Variants in HSPB6 observed in about 807,000 individuals in gnomAD.
HSPB6 encodes heat shock protein beta-6.
In HSPB6, 8 loss-of-function variants were observed where a neutral mutation model predicts 10.7. The observed-to-expected ratio is 0.75, with a 90% CI of 0.44 to 1.35. HSPB6 has a LOEUF of 1.35. Ranked by LOEUF, HSPB6 falls within the 40% of genes most tolerant of loss-of-function variation. The pLI is 0.00. For synonymous variants in HSPB6, 128 were observed against 114.2 expected (o/e 1.12, Z -0.77); for missense variants, 232 against 236.0 (o/e 0.98, Z 0.11).
At position 35,756,915 on chromosome 19, in the gene HSPB6, G is replaced by T. The variant is rs913293563; in HGVS notation, c.94C>A (p.Arg32Ser). ...LSAPGRLFDQ[R>S]FGEGLLEAEL... ...GCCTCCAGCAGCCCCTCGCCGAAGCGCTGGTCAAAGAGGCGTCCGGGCGCC... is the reference window on the plus strand; with the variant it reads ...GCCTCCAGCAGCCCCTCGCCGAAGCTCTGGTCAAAGAGGCGTCCGGGCGCC... The change falls in exon 1 of 3, where the codon CGC (arginine) becomes AGC (serine). Residue 32 changes from arginine to serine, a missense_variant. Physicochemically the swap from Arg to Ser is moderately radical, Grantham distance 110. Coordinates refer to ENST00000004982, the MANE Select transcript of HSPB6 (RefSeq NM_144617.3). 1.9e-6 allele frequency: 3 copies of T among 1,540,950 alleles called. No homozygotes were observed. Among genetic ancestry groups the T allele is most frequent in the Non-Finnish European group, 2.6e-6 (3 of 1,146,288 alleles).
Position 35,755,477 on chromosome 19 carries a change from G to A in HSPB6, c.*45C>T, listed in dbSNP as rs1202300059. The A allele has an allele frequency of 1.3e-6, 2 of 1,513,996 alleles. No homozygotes were observed. Among genetic ancestry groups the A allele is most frequent in the Non-Finnish European group, 1.8e-6 (2 of 1,134,926 alleles). The allele number at this position is 1,513,996 out of a possible 1,614,324, so 93.8% of individuals were successfully genotyped here. Reference sequence around the variant, plus strand: ...GGAGTCAGATCGGCTTTAATAGAGGGAGCCTGAGGAGGCTCCCGGGGTGCG... The same window carrying A: ...GGAGTCAGATCGGCTTTAATAGAGGAAGCCTGAGGAGGCTCCCGGGGTGCG... On this transcript the variant is annotated 3_prime_UTR_variant, in exon 3 of 3. Coordinates refer to ENST00000004982, the MANE Select transcript of HSPB6 (RefSeq NM_144617.3).
chr19:35,754,847 G>T lies in HSPB6; in HGVS notation c.*675C>A. The T allele has an allele frequency of 2.9e-6, 1 of 348,906 alleles. No homozygotes were observed. The highest frequency in any genetic ancestry group is 5.4e-6 in the Non-Finnish European group (1 of 183,730). 21.6% of individuals were successfully genotyped at this position (348,906 alleles called of 1,614,324 possible). ...TGGGGTGGGAGAGTCTGTACAGTTT[G>T]GTGTTGGGTGTTCTAGTTGGCCTGG... On this transcript the variant is annotated 3_prime_UTR_variant, in exon 3 of 3. Coordinates refer to ENST00000004982, the MANE Select transcript of HSPB6 (RefSeq NM_144617.3).
Position 35,756,925 on chromosome 19 carries a change from G to C in HSPB6, c.84C>G (p.Leu28=), listed in dbSNP as rs1484056400. The change falls in exon 1 of 3, where the codon CTC becomes CTG. Residue 28 remains leucine (L), a synonymous_variant. Transcript: ENST00000004982. ...GCCCCTCGCCGAAGCGCTGGTCAAA[G>C]AGGCGTCCGGGCGCCGAAAGTCCGG... The part of the protein sequence containing the change: ...PLPGLSAPGR[L]FDQRFGEGLL... 25 of 1,542,094 alleles carry C rather than the reference G, an allele frequency of 1.6e-5. No individual in the cohort carries two copies. Among genetic ancestry groups the C allele is most frequent in the Non-Finnish European group, 2.2e-5 (25 of 1,146,442 alleles).
In HSPB6 at chr19:35,756,836, G is replaced by A; in HGVS notation, c.173C>T (p.Pro58Leu). 6.5e-7 allele frequency: 1 copy of A among 1,536,852 alleles called. No homozygotes were observed. Among genetic ancestry groups the A allele is most frequent in the Non-Finnish European group, 8.7e-7 (1 of 1,146,586 alleles). Residue 58 changes from proline to leucine, a missense_variant, in exon 1 of 3, where the codon CCC becomes CTC. Transcript: ENST00000004982. ...TTLAPYYLRA[P>L]SVALPVAQVP... ...CTGGGCGACGGGCAGCGCCACGCTG[G>A]GTGCGCGCAGGTAGTAGGGGGCGAG...
Position 35,755,468 on chromosome 19 carries a change from T to G in HSPB6, c.*54A>C. 1 of 1,507,738 alleles carries G rather than the reference T, an allele frequency of 6.6e-7. No homozygotes were observed. The highest frequency in any genetic ancestry group is 2.5e-5 in the East Asian group (1 of 40,268). The allele number at this position is 1,507,738 out of a possible 1,614,324, so 93.4% of individuals were successfully genotyped here. ...TGGCTGGGCGGAGTCAGATCGGCTT[T>G]AATAGAGGGAGCCTGAGGAGGCTCC... On this transcript the variant is annotated 3_prime_UTR_variant, in exon 3 of 3. Transcript: ENST00000004982.
At position 35,755,806 on chromosome 19, in the gene HSPB6, T is replaced by G; in HGVS notation, c.287A>C (p.His96Pro). 1 of 1,596,306 alleles carries G rather than the reference T, an allele frequency of 6.3e-7. No individual in the cohort carries two copies. The highest frequency in any genetic ancestry group is 8.5e-7 in the Non-Finnish European group (1 of 1,172,640). Residue 96 changes from histidine (H) to proline (P), a missense_variant, in exon 2 of 3, where the codon CAC becomes CCC. Physicochemically the swap from His to Pro is moderately conservative, Grantham distance 77. Coordinates refer to ENST00000004982, the MANE Select transcript of HSPB6 (RefSeq NM_144617.3). ...EEIAVKVVGEHVEVHARHEER... is the reference protein window; with the variant it reads ...EEIAVKVVGEPVEVHARHEER... ...CTCGTGGCGCGCGTGCACCTCCACG[T>G]GTTCGCCCACCACCTTGACAGCAAT...
intron 1 of HSPB6, among the ~76,000 whole-genome samples, chr19:35,756,238 C>G (rs1263717996): frequency 1.3e-5 from 2 of 151,926 alleles, no homozygotes; most frequent in African/African-American, 4.8e-5. Context: ...GCCCCGGGTC[C>G]CTTCTCCGCC....
rs550327917 is a variant in HSPB6 at position 35,755,908 on chromosome 19, G to T, written c.199-14C>A. The stretch of plus-strand genomic sequence containing the variant: ...GTCCGTCGGCACCTGAGCGCAGCGG[G>T]CGCGGGCGGGACTGTCATTGGGCTG... On this transcript the variant is annotated splice_polypyrimidine_tract_variant and intron_variant, in intron 1 of 2. Coordinates refer to ENST00000004982, the MANE Select transcript of HSPB6 (RefSeq NM_144617.3). The T allele has an allele frequency of 5.2e-6, 8 of 1,552,696 alleles. No homozygotes were observed. In the Admixed American group the frequency reaches 1.2e-4, roughly 23 times the overall value.
chr19:35,756,925 G>T lies in HSPB6; in HGVS notation c.84C>A (p.Leu28=). The change falls in exon 1 of 3, where the codon CTC becomes CTA. Residue 28 remains leucine (L), a synonymous_variant. Transcript: ENST00000004982. ...PLPGLSAPGR[L]FDQRFGEGLL... Reference sequence around the variant, plus strand: ...GCCCCTCGCCGAAGCGCTGGTCAAAGAGGCGTCCGGGCGCCGAAAGTCCGG... The same window carrying T: ...GCCCCTCGCCGAAGCGCTGGTCAAATAGGCGTCCGGGCGCCGAAAGTCCGG... The T allele has an allele frequency of 6.5e-7, 1 of 1,542,094 alleles. No homozygotes were observed.
At position 35,755,839 on chromosome 19, in the gene HSPB6, G is replaced by A. The variant is rs750533067; in HGVS notation, c.254C>T (p.Pro85Leu). The change falls in exon 2 of 3, where the codon CCG (proline) becomes CTG (leucine). Residue 85 changes from proline to leucine, a missense_variant. Coordinates refer to ENST00000004982, the MANE Select transcript of HSPB6 (RefSeq NM_144617.3). ...SVLLDVKHFS[P>L]EEIAVKVVGE... is the part of the protein sequence containing the mutation. Reference sequence around the variant, plus strand: ...CACCACCTTGACAGCAATTTCCTCCGGCGAGAAGTGCTTCACGTCTAGCAG... The same window carrying A: ...CACCACCTTGACAGCAATTTCCTCCAGCGAGAAGTGCTTCACGTCTAGCAG... 3 of 1,593,928 alleles carry A rather than the reference G, an allele frequency of 1.9e-6. No individual in the cohort carries two copies. Among genetic ancestry groups the A allele is most frequent in the Admixed American group, 3.5e-5 (2 of 57,900 alleles).
Position 35,756,797 on chromosome 19 carries a change from C to T in HSPB6, c.198+14G>A. On this transcript the variant is annotated intron_variant, in intron 1 of 2. Coordinates refer to ENST00000004982, the MANE Select transcript of HSPB6 (RefSeq NM_144617.3). ...ATGGAAGTGGTCGAGTTCACCCCTC[C>T]CCAGGCCTGGCACCTGGGCGACGGG... The T allele has an allele frequency of 1.3e-6, 2 of 1,534,972 alleles. No homozygotes were observed. Among genetic ancestry groups the T allele is most frequent in the East Asian group, 2.4e-5 (1 of 40,908 alleles).
Position 35,755,813 on chromosome 19 carries a change from C to T in HSPB6, c.280G>A (p.Gly94Ser), listed in dbSNP as rs140361660. ...CGCGCGTGCACCTCCACGTGTTCGCCCACCACCTTGACAGCAATTTCCTCC... is the reference window on the plus strand; with the variant it reads ...CGCGCGTGCACCTCCACGTGTTCGCTCACCACCTTGACAGCAATTTCCTCC... Reference protein sequence around the residue: ...SPEEIAVKVVGEHVEVHARHE... With the variant: ...SPEEIAVKVVSEHVEVHARHE... Residue 94 changes from glycine (G) to serine (S), a missense_variant, in exon 2 of 3, where the codon GGC (glycine) becomes AGC (serine). Transcript: ENST00000004982. 60 of 1,597,036 alleles carry T rather than the reference C, an allele frequency of 3.8e-5. No homozygotes were observed. The African/African-American group carries it at 7.4e-4, about 20-fold the overall frequency.
chr19:35,755,840 G>A lies in HSPB6; in HGVS notation c.253C>T (p.Pro85Ser). 6.3e-7 allele frequency: 1 copy of A among 1,594,000 alleles called. No individual in the cohort carries two copies. The highest frequency in any genetic ancestry group is 1.1e-5 in the South Asian group (1 of 87,862). Residue 85 changes from proline to serine, a missense_variant, in exon 2 of 3, where the codon CCG becomes TCG. Pro to Ser is a moderately conservative substitution (Grantham distance 74). Transcript: ENST00000004982. ...SVLLDVKHFSPEEIAVKVVGE... is the reference protein window; with the variant it reads ...SVLLDVKHFSSEEIAVKVVGE... ...ACCACCTTGACAGCAATTTCCTCCG[G>A]CGAGAAGTGCTTCACGTCTAGCAGC...
In HSPB6 at chr19:35,754,626, G is replaced by A. The variant is rs1313187980; in HGVS notation, c.*896C>T. 1.9e-5 allele frequency: 14 copies of A among 730,984 alleles called. No homozygotes were observed. Among genetic ancestry groups the A allele is most frequent in the Non-Finnish European group, 3.0e-5 (13 of 426,916 alleles). 45.3% of individuals were successfully genotyped at this position (730,984 alleles called of 1,614,324 possible). ...GCCTGGGAAAGACTAAGGGAGTGGTGGCAGGGAGAAAGGCTGTGGGGAATC... is the reference window on the plus strand; with the variant it reads ...GCCTGGGAAAGACTAAGGGAGTGGTAGCAGGGAGAAAGGCTGTGGGGAATC... On this transcript the variant is annotated 3_prime_UTR_variant, in exon 3 of 3. Coordinates refer to ENST00000004982, the MANE Select transcript of HSPB6 (RefSeq NM_144617.3).
intron 1 of HSPB6, 60 bp from the exon 2 acceptor site, chr19:35,755,954 C>A: frequency 6.6e-7 from 1 of 1,522,406 alleles, no homozygotes; most frequent in Non-Finnish European, 8.8e-7. Flanking sequence ...CAGGACCCAC[C>A]CAGGGAGACC....
At chr19:35,756,748 C>A in intron 1 of HSPB6, 63 bp downstream of exon 1, 1 of 1,494,848 alleles carries the variant, frequency 6.7e-7, no homozygotes, top group Non-Finnish European at 9.0e-7. Flanking sequence ...TGTTCCCACC[C>A]CAGGCTGCCC....
rs762851078 is a variant in HSPB6 at position 35,754,937 on chromosome 19, G to A, written c.*585C>T. On this transcript the variant is annotated 3_prime_UTR_variant, in exon 3 of 3. Transcript: ENST00000004982. Reference sequence around the variant, plus strand: ...CTGGTGTGGCTGGCTGGGGTTTCACGGCAGAAAATGGGCTGGAGGGGGCAG... The same window carrying A: ...CTGGTGTGGCTGGCTGGGGTTTCACAGCAGAAAATGGGCTGGAGGGGGCAG... 4.1e-5 allele frequency: 12 copies of A among 294,854 alleles called. No homozygotes were observed. Among genetic ancestry groups the A allele is most frequent in the Non-Finnish European group, 5.3e-5 (8 of 151,466 alleles). 18.3% of individuals were successfully genotyped at this position (294,854 alleles called of 1,614,324 possible).
chr19:35,756,704 C>T (rs2146532409), intron 1 of HSPB6, 107 bp downstream of exon 1: 2 of 1,189,654 alleles, frequency 1.7e-6, no homozygotes, highest in South Asian at 1.3e-5. Flanking sequence ...GCGGACTCTC[C>T]ACCCCGCCCA....
rs1355596370 is a variant in HSPB6, at chr19:35,754,718, A to G, written c.*804T>C. On this transcript the variant is annotated 3_prime_UTR_variant, in exon 3 of 3. Coordinates refer to ENST00000004982, the MANE Select transcript of HSPB6 (RefSeq NM_144617.3). ...GGGTGGGAGGTGGGTTGCCGAGGAT[A>G]TCTGGTTGAAGACTTGGGGGTCAAG... 7 of 561,398 alleles carry G rather than the reference A, an allele frequency of 1.2e-5. No individual in the cohort carries two copies. Among genetic ancestry groups the G allele is most frequent in the African/African-American group, 1.9e-5 (1 of 52,000 alleles). The allele number at this position is 561,398 out of a possible 1,614,324, so 34.8% of individuals were successfully genotyped here. A position where few individuals can be genotyped will look rare whatever the true frequency, so the allele number is the denominator to read the frequency against.
Sources: gnomAD v4.1 joint callset for allele counts (sites outside exome capture counted in the v4.1 genomes callset) on GRCh38, gnomAD v4.1.1 for gene constraint, MANE v1.5 for transcripts, NCBI Gene and HGNC (gene_info 2026-07-23, HGNC 2026-07-21) for gene names.